QTMAN: variants seen among roughly 807,000 people sequenced by gnomAD.
QTMAN encodes queuosine-tRNA mannosyltransferase, also known as tRNA-queuosine alpha-mannosyltransferase.
the QTMAN span, among the ~76,000 whole-genome samples, chr2:144,160,865 C>T: frequency 7.2e-5 from 11 of 152,128 alleles, no homozygotes; most frequent in Non-Finnish European, 1.5e-4. Context: ...TACACAAAAA[C>T]ACCTTTGAGT....
At chr2:144,263,800 T>C in the QTMAN span, among the ~76,000 whole-genome samples, 1 of 152,114 alleles carries the variant, frequency 6.6e-6, no homozygotes, top group African/African-American at 2.4e-5. Context: ...TTGTCTTAAG[T>C]ATTGCTTGAA....
At chr2:144,231,694 C>T in the QTMAN span, among the ~76,000 whole-genome samples, 13 of 151,930 alleles carry the variant, frequency 8.6e-5, no homozygotes, top group South Asian at 2.3e-3. Flanking sequence ...TCACATTGTC[C>T]TAAATCACTA....
At chr2:144,105,600 T>A in the QTMAN span, among the ~76,000 whole-genome samples, 5 of 152,166 alleles carry the variant, frequency 3.3e-5, no homozygotes, top group African/African-American at 9.6e-5. Context: ...AATATAAGAC[T>A]ATGTGAAAAG....
chr2:144,192,892 T>C, the QTMAN span, among the ~76,000 whole-genome samples: 3 of 152,046 alleles, frequency 2.0e-5, no homozygotes, highest in African/African-American at 4.8e-5. Context: ...ATTTATCTAA[T>C]TTTTTTTGGC....
chr2:144,266,040 C>T, the QTMAN span, among the ~76,000 whole-genome samples: 11 of 152,056 alleles, frequency 7.2e-5, no homozygotes, highest in Admixed American at 6.6e-4. Flanking sequence ...AGCTGGAATA[C>T]GTAAAGAATT....
At chr2:144,028,796 G>T in the QTMAN span, among the ~76,000 whole-genome samples, 1 of 152,180 alleles carries the variant, frequency 6.6e-6, no homozygotes, top group Non-Finnish European at 1.5e-5. Context: ...AAAGAAACTT[G>T]TTTGCAAAAG....
At chr2:144,307,997 A>C in the QTMAN span, among the ~76,000 whole-genome samples, 1 of 152,236 alleles carries the variant, frequency 6.6e-6, no homozygotes, top group Non-Finnish European at 1.5e-5. Flanking sequence ...ATATGGAAAT[A>C]GAAAAGACTT....
the QTMAN span, among the ~76,000 whole-genome samples, chr2:144,332,237 G>A: frequency 6.6e-6 from 1 of 151,612 alleles, no homozygotes; most frequent in Non-Finnish European, 1.5e-5. Flanking sequence ...CAGCGCGTGC[G>A]CCCGGGAAGC....
the QTMAN span, among the ~76,000 whole-genome samples, chr2:144,176,356 CTTTT>C: frequency 6.6e-6 from 1 of 151,924 alleles, no homozygotes; most frequent in South Asian, 2.1e-4. Flanking sequence ...TGAAGATGAA[CTTTT>C]TTTACTCTAA....
chr2:143,990,679 C>T, the QTMAN span, among the ~76,000 whole-genome samples: 1 of 152,118 alleles, frequency 6.6e-6, no homozygotes, highest in Non-Finnish European at 1.5e-5. Flanking sequence ...AATCCAGATA[C>T]AATTCAGGCA....
chr2:144,160,157 T>C, the QTMAN span, among the ~76,000 whole-genome samples: 3 of 151,946 alleles, frequency 2.0e-5, no homozygotes, highest in Admixed American at 2.0e-4. Flanking sequence ...GATTTTGAAA[T>C]GTAATGACTA....
chr2:144,102,605 G>A, the QTMAN span, among the ~76,000 whole-genome samples: 5 of 152,184 alleles, frequency 3.3e-5, no homozygotes, highest in Non-Finnish European at 7.3e-5. Flanking sequence ...CATGTGCACT[G>A]TTGGATATGC....
At chr2:144,117,041 G>A in the QTMAN span, among the ~76,000 whole-genome samples, 1 of 152,188 alleles carries the variant, frequency 6.6e-6, no homozygotes, top group South Asian at 2.1e-4. Context: ...GAAGCCTGGT[G>A]AATACCGGTC....
At chr2:144,128,979 C>G in the QTMAN span, among the ~76,000 whole-genome samples, 2 of 151,836 alleles carry the variant, frequency 1.3e-5, no homozygotes, top group East Asian at 3.9e-4. Flanking sequence ...GAATTTATCA[C>G]TCAATCCTGG....
chr2:144,212,239 G>A, the QTMAN span, among the ~76,000 whole-genome samples: 123 of 152,298 alleles, frequency 8.1e-4, no homozygotes, highest in African/African-American at 2.3e-3. Context: ...GAGGTAGGTG[G>A]ATCACCTGAG....
At chr2:144,039,931 A>G in the QTMAN span, among the ~76,000 whole-genome samples, 20 of 152,334 alleles carry the variant, frequency 1.3e-4, no homozygotes, top group African/African-American at 4.8e-4. Context: ...AGCTATTTGT[A>G]TACTTGTGAA....
chr2:144,332,119 T>G, the QTMAN span, among the ~76,000 whole-genome samples: 1 of 152,150 alleles, frequency 6.6e-6, no homozygotes, highest in South Asian at 2.1e-4. Flanking sequence ...GCACGACATG[T>G]AGGCACCAAA....
the QTMAN span, among the ~76,000 whole-genome samples, chr2:144,073,249 T>C: frequency 1.3e-5 from 2 of 148,768 alleles, no homozygotes; most frequent in African/African-American, 4.9e-5. Context: ...ATTTTATATA[T>C]TTATATATAT....
chr2:144,246,889 CT>C, the QTMAN span, among the ~76,000 whole-genome samples: 1 of 152,202 alleles, frequency 6.6e-6, no homozygotes, highest in Non-Finnish European at 1.5e-5. Flanking sequence ...AATGCTTGGA[CT>C]TTGCAAGAGC....
Sources: gnomAD v4.1 joint callset for allele counts (sites outside exome capture counted in the v4.1 genomes callset) on GRCh38, gnomAD v4.1.1 for gene constraint, MANE v1.5 for transcripts, NCBI Gene and HGNC (gene_info 2026-07-23, HGNC 2026-07-21) for gene names.